Variants in EPN2 observed in about 807,000 individuals in gnomAD.
EPN2 encodes the protein epsin 2.
Under a neutral mutation model 61.7 loss-of-function variants are expected in EPN2, and 34 were observed. The observed-to-expected ratio is 0.55, with a 90% confidence interval of 0.42 to 0.73. The LOEUF is 0.73. EPN2 is among the 30% of genes least tolerant of loss of function. The pLI is 0.00. For synonymous variants in EPN2, 349 were observed against 353.6 expected, an observed-to-expected ratio of 0.99 and a Z score of 0.15; for missense variants, 714 against 839.2, an observed-to-expected ratio of 0.85 and a Z score of 1.84.
chr17:19,250,111 T>C (rs1023992820), intron 1 of EPN2, among the ~76,000 whole-genome samples: 9 of 151,972 alleles, frequency 5.9e-5, no homozygotes, highest in African/African-American at 9.7e-5. Context: ...TTTTTTTTTT[T>C]CAGACGGAGC....
chr17:19,310,577 T>TC (rs1225929171), intron 5 of EPN2, among the ~76,000 whole-genome samples: 1 of 121,376 alleles, frequency 8.2e-6, no homozygotes, highest in Non-Finnish European at 1.7e-5. Flanking sequence ...CTTTCTTTTT[T>TC]TTTTTTTTTT....
chr17:19,332,043 G>A lies in EPN2; in HGVS notation c.1602G>A (p.Gln534=), dbSNP rs553044257. The A allele has an allele frequency of 5.0e-6, 8 of 1,611,988 alleles. No homozygotes were observed. In the East Asian group the frequency reaches 1.6e-4, roughly 31 times the overall value. ...SLVTRPAPPA[Q]SLNPFLAPGA... is the part of the protein sequence containing the mutation. ...TGACCAGGCCTGCCCCACCAGCCCA[G>A]TCCCTCAACCCTTTCCTGGCACCAG... The change falls in exon 10 of 11, where the codon CAG becomes CAA. Residue 534 remains glutamine, a synonymous_variant. Transcript: ENST00000314728.
intron 1 of EPN2, among the ~76,000 whole-genome samples, chr17:19,256,094 C>T (rs1008571026): frequency 4.6e-5 from 7 of 151,916 alleles, no homozygotes; most frequent in Non-Finnish European, 8.8e-5. Context: ...CCCGCCACCA[C>T]GCCCGGCTAA....
chr17:19,302,814 C>T (rs1167793313), intron 4 of EPN2, among the ~76,000 whole-genome samples: 1 of 152,192 alleles, frequency 6.6e-6, no homozygotes, highest in East Asian at 1.9e-4. Context: ...TGACCTAGGC[C>T]AAGGTCATGC....
At position 19,322,631 on chromosome 17, in the gene EPN2, T is replaced by C. The variant is rs572424876; in HGVS notation, c.1148-6080T>C. 1.2e-4 allele frequency among the ~76,000 whole-genome samples: 18 copies of C among 151,986 alleles called. No homozygotes were observed. In the East Asian group the frequency reaches 3.3e-3, roughly 28 times the overall value. On this transcript the variant is annotated intron_variant, in intron 7 of 10. Transcript: ENST00000314728. Reference sequence around the variant, plus strand: ...GGTGTGTGCCTGTGGTCCCAGCTACTTGGGAGGCAGAAGTGGGAGGATCCC... The same window carrying C: ...GGTGTGTGCCTGTGGTCCCAGCTACCTGGGAGGCAGAAGTGGGAGGATCCC...
At chr17:19,247,399 G>A (rs544421185) in intron 1 of EPN2, among the ~76,000 whole-genome samples, 2 of 152,298 alleles carry the variant, frequency 1.3e-5, no homozygotes, top group African/African-American at 4.8e-5. Flanking sequence ...TCTTTGTCAG[G>A]GGGTCAAGAA....
intron 1 of EPN2, among the ~76,000 whole-genome samples, chr17:19,252,093 G>A (rs1464556761): frequency 6.6e-6 from 1 of 152,120 alleles, no homozygotes; most frequent in Admixed American, 6.6e-5. Context: ...AGAAGTTTCT[G>A]ATTTTGGAAC....
rs757177811 is a variant in EPN2, at chr17:19,283,135, A to G, written c.16A>G (p.Ile6Val). 4.2e-5 allele frequency: 68 copies of G among 1,609,968 alleles called. 1 individual carries two copies. In the South Asian group the frequency reaches 6.7e-4, roughly 16 times the overall value. The change falls in exon 3 of 11, where the codon ATC becomes GTC. Residue 6 changes from isoleucine (I) to valine (V), a missense_variant. By Grantham distance (29) the Ile-to-Val change is conservative. This residue lies in a region of EPN2 where 304 missense variants were observed against 417.4 expected (regional missense o/e 0.73). Transcript: ENST00000314728. The surrounding 1 kb of genome is among the most constrained non-coding windows in gnomAD (Gnocchi z 7.0). Reference protein sequence around the residue: MTTSSIRRQMKNIVNN... With the variant: MTTSSVRRQMKNIVNN... ...GAAAATAAAAATGACGACTTCGTCT[A>G]TCAGACGGCAGATGAAAAACATCGT...
intron 1 of EPN2, among the ~76,000 whole-genome samples, chr17:19,248,638 G>A (rs917181087): frequency 1.3e-5 from 2 of 152,174 alleles, no homozygotes; most frequent in African/African-American, 4.8e-5. Context: ...GTCAAAAAAT[G>A]AGTTTATAGT....
chr17:19,272,331 G>C (rs79430260), intron 1 of EPN2, among the ~76,000 whole-genome samples: 6,082 of 152,240 alleles, frequency 0.04, 523 homozygotes, highest in East Asian at 0.27. Flanking sequence ...GGAAGCCCTA[G>C]TTTTTTGCCC....
chr17:19,328,890 G>T lies in EPN2; in HGVS notation c.1324+3G>T. On this transcript the variant is annotated splice_donor_region_variant and intron_variant, in intron 8 of 10. Transcript: ENST00000314728. ...CACCAAGCCCGTGTCTGTCTCTGGT[G>T]AGCCCCTCACTCACCCACTTTCCTG... 1 of 1,606,702 alleles carries T rather than the reference G, an allele frequency of 6.2e-7. No homozygotes were observed.
chr17:19,312,140 A>G lies in EPN2; in HGVS notation c.968A>G (p.Lys323Arg). The change falls in exon 6 of 11, where the codon AAA becomes AGA. Residue 323 changes from lysine to arginine, a missense_variant. By Grantham distance (26) the Lys-to-Arg change is conservative. Around this residue, in one of 2 missense-constraint regions of EPN2, gnomAD observed 410 missense variants for 421.8 expected, o/e 0.97. Transcript: ENST00000314728. ...GACACAGTTAAAATTCCAAAAAAGAAAGAGGTAAGAGCTTGCTGGGAGGGT... is the reference window on the plus strand; with the variant it reads ...GACACAGTTAAAATTCCAAAAAAGAGAGAGGTAAGAGCTTGCTGGGAGGGT... The part of the protein sequence containing the change: ...RRDTVKIPKK[K>R]EHGSLPQQTT... 1 of 1,611,680 alleles carries G rather than the reference A, an allele frequency of 6.2e-7. No homozygotes were observed. Among genetic ancestry groups the G allele is most frequent in the Non-Finnish European group, 8.5e-7 (1 of 1,177,774 alleles).
At position 19,283,673 on chromosome 17, in the gene EPN2, A is replaced by C. The variant is rs779290166; in HGVS notation, c.554A>C (p.Glu185Ala). 4 of 1,610,282 alleles carry C rather than the reference A, an allele frequency of 2.5e-6. No homozygotes were observed. The highest frequency in any genetic ancestry group is 3.4e-6 in the Non-Finnish European group (4 of 1,177,788). ...PNLSTSHSEQEYGKAGGSPAS... is the reference protein window; with the variant it reads ...PNLSTSHSEQAYGKAGGSPAS... Reference sequence around the variant, plus strand: ...CTCTCCACCAGCCACTCGGAGCAGGAGTATGGCAAGGCCGGGGGCTCCCCG... The same window carrying C: ...CTCTCCACCAGCCACTCGGAGCAGGCGTATGGCAAGGCCGGGGGCTCCCCG... The change falls in exon 3 of 11, where the codon GAG becomes GCG. Residue 185 changes from glutamate to alanine, a missense_variant. This residue lies in a region of EPN2 where 304 missense variants were observed against 417.4 expected (regional missense o/e 0.73). Transcript: ENST00000314728. The surrounding 1 kb of genome is among the most constrained non-coding windows in gnomAD (Gnocchi z 7.0).
chr17:19,332,331 GC>G (rs892834229), intron 10 of EPN2, among the ~76,000 whole-genome samples: 1 of 151,936 alleles, frequency 6.6e-6, no homozygotes, highest in Admixed American at 6.6e-5. Flanking sequence ...CTGACTTGGT[GC>G]CCCCCCAGTT....
At chr17:19,329,776 C>G (rs1339842116) in intron 9 of EPN2, 129 bp downstream of exon 9, 7 of 621,012 alleles carry the variant, frequency 1.1e-5, no homozygotes, top group Non-Finnish European at 2.0e-5. Flanking sequence ...ATCTTGGGAG[C>G]CTGAAGTTTC....
intron 1 of EPN2, among the ~76,000 whole-genome samples, chr17:19,243,602 C>T (rs1367555054): frequency 6.6e-6 from 1 of 152,010 alleles, no homozygotes; most frequent in Non-Finnish European, 1.5e-5. Context: ...ACCGTGTTAG[C>T]CAGGATGGTC....
At position 19,285,733 on chromosome 17, in the gene EPN2, TCCCG is replaced by T; in HGVS notation, c.713_716del (p.Arg238GlnfsTer48). 1 of 1,608,388 alleles carries T rather than the reference TCCCG, an allele frequency of 6.2e-7. No homozygotes were observed. Among genetic ancestry groups the T allele is most frequent in the Non-Finnish European group, 8.5e-7 (1 of 1,178,462 alleles). ...CTTCCTGCCGCACCTGGGGCTGGCC[TCCCG>T]CCCAAATGGCGACTGGTCCCAGCCC... On this transcript the variant is annotated frameshift_variant, in exon 4 of 11. Transcript: ENST00000314728. LOFTEE classifies it high-confidence loss of function. This position sits in a 1 kb window ranked among gnomAD's most constrained non-coding sequence, Gnocchi z 4.5.
intron 7 of EPN2, 91 bp downstream of exon 7, chr17:19,313,370 C>G (rs1271422876): frequency 7.7e-7 from 1 of 1,292,316 alleles, no homozygotes; most frequent in Non-Finnish European, 1.0e-6. Flanking sequence ...CCACTTGGGT[C>G]TGGTCGATTG....
In EPN2 at chr17:19,285,503, C is replaced by T. The variant is rs2045395353; in HGVS notation, c.596-117C>T. On this transcript the variant is annotated intron_variant, in intron 3 of 10. Coordinates refer to ENST00000314728, the MANE Select transcript of EPN2 (RefSeq NM_014964.5). The surrounding 1 kb of genome is among the most constrained non-coding windows in gnomAD (Gnocchi z 4.5). ...TCAGTGGGCTTTTCACAGCTTCCAC[C>T]GCAGTGGGCTGCGGGGTTGACCCCG... 45 of 1,340,236 alleles carry T rather than the reference C, an allele frequency of 3.4e-5. No homozygotes were observed. Among genetic ancestry groups the T allele is most frequent in the East Asian group, 5.9e-5 (2 of 33,710 alleles). The allele number at this position is 1,340,236 out of a possible 1,614,324, so 83.0% of individuals were successfully genotyped here.
Sources: gnomAD v4.1 joint callset for allele counts (sites outside exome capture counted in the v4.1 genomes callset) on GRCh38, gnomAD v4.1.1 for gene constraint, gnomAD v4.1.1 regional missense constraint, Gnocchi (gnomAD v3.1) non-coding constraint, MANE v1.5 for transcripts, NCBI Gene and HGNC (gene_info 2026-07-23, HGNC 2026-07-21) for gene names.